The following NAXD variants were observed in gnomAD, a reference collection of about 807,000 sequenced individuals.
The protein encoded by NAXD is NAD(P)HX dehydratase.
Under a neutral mutation model 35.8 loss-of-function variants are expected in NAXD, and 22 were observed. The ratio of observed to expected loss-of-function variants is 0.62; its 90% CI spans 0.44 to 0.88. The LOEUF (loss-of-function observed/expected upper bound fraction) is 0.88. Ranked by LOEUF, NAXD falls within the 40% of genes least tolerant of loss-of-function variation. The pLI is 0.00. For synonymous variants in NAXD, 189 were observed against 177.6 expected, an observed-to-expected ratio of 1.06 and a Z score of -0.51; for missense variants, 428 against 437.7, an observed-to-expected ratio of 0.98 and a Z score of 0.20.
intron 4 of NAXD, among the ~76,000 whole-genome samples, chr13:110,625,550 T>C (rs1307990457): frequency 6.6e-6 from 1 of 152,134 alleles, no homozygotes; most frequent in Non-Finnish European, 1.5e-5. Context: ...GTGGGCTGTG[T>C]GTGACAGGTT....
At position 110,638,881 on chromosome 13, in the gene NAXD, C is replaced by T; in HGVS notation, c.*353C>T. 1 of 400,806 alleles carries T rather than the reference C, an allele frequency of 2.5e-6. No homozygotes were observed. The highest frequency in any genetic ancestry group is 2.0e-5 in the South Asian group (1 of 49,312). 24.8% of individuals were successfully genotyped at this position (400,806 alleles called of 1,614,324 possible). On this transcript the variant is annotated 3_prime_UTR_variant, in exon 10 of 10. Transcript: ENST00000680254. The surrounding 1 kb of genome is among the most constrained non-coding windows in gnomAD (Gnocchi z 5.4). Reference sequence around the variant, plus strand: ...TGCTCCCAGATCGGCGAAGTTTCTACTTGTTACTCTCTCTGCCGGCGCCCT... The same window carrying T: ...TGCTCCCAGATCGGCGAAGTTTCTATTTGTTACTCTCTCTGCCGGCGCCCT...
intron 3 of NAXD, 113 bp from the exon 4 acceptor site, chr13:110,625,077 G>A (rs1055530054): frequency 4.0e-6 from 3 of 750,884 alleles, no homozygotes; most frequent in East Asian, 2.6e-5. Flanking sequence ...GAGCTAGTAC[G>A]TTTCTCATGC....
In NAXD at chr13:110,637,208, G is replaced by C. The variant is rs780904587; in HGVS notation, c.798G>C (p.Leu266=). The C allele has an allele frequency of 1.2e-6, 2 of 1,614,056 alleles. No homozygotes were observed. The highest frequency in any genetic ancestry group is 2.2e-5 in the East Asian group (1 of 44,882). Residue 266 remains leucine, a synonymous_variant, in exon 9 of 10, where the codon CTG becomes CTC. Coordinates refer to ENST00000680254, the MANE Select transcript of NAXD (RefSeq NM_001242882.2). The part of the protein sequence containing the change: ...GDLLSGSLGV[L]VHWALLAGPQ... ...TCCTGTCGGGCTCCCTGGGCGTCCT[G>C]GTACACTGGGCGCTCCTTGCTGGAC...
At chr13:110,624,328 T>A (rs781024516) in intron 3 of NAXD, 49 bp downstream of exon 3, 37 of 1,154,532 alleles carry the variant, frequency 3.2e-5, no homozygotes, top group South Asian at 5.1e-5. Context: ...GTAGAGAGTT[T>A]GATTATTTAA....
rs199875257 is a variant in NAXD, at chr13:110,638,334, C to T, written c.840-44C>T. Reference sequence around the variant, plus strand: ...CAGGGTAGCTGCGGCCCCCGGACCACGACGCCCACTTCCCCACACCTCCTG... The same window carrying T: ...CAGGGTAGCTGCGGCCCCCGGACCATGACGCCCACTTCCCCACACCTCCTG... On this transcript the variant is annotated intron_variant, in intron 9 of 9. Transcript: ENST00000680254. This position sits in a 1 kb window ranked among gnomAD's most constrained non-coding sequence, Gnocchi z 5.4. The T allele has an allele frequency of 3.9e-5, 63 of 1,613,568 alleles. No individual in the cohort carries two copies. The highest frequency in any genetic ancestry group is 3.6e-4 in the African/African-American group (27 of 75,024).
Position 110,615,634 on chromosome 13 carries a change from G to A in NAXD, c.33G>A (p.Arg11=). Residue 11 remains arginine, a synonymous_variant, in exon 1 of 10, where the codon CGG becomes CGA. Transcript: ENST00000680254. ...TGGGTCCTCGCTGTGGGGCAATCCGGGCTTGCAGACGAGGTAAGGTCGATT... is the reference window on the plus strand; with the variant it reads ...TGGGTCCTCGCTGTGGGGCAATCCGAGCTTGCAGACGAGGTAAGGTCGATT... MALGPRCGAI[R]ACRRVLERAF... 1.3e-6 allele frequency: 2 copies of A among 1,489,376 alleles called. No individual in the cohort carries two copies. The highest frequency in any genetic ancestry group is 1.3e-5 in the South Asian group (1 of 79,914). The allele number at this position is 1,489,376 out of a possible 1,614,324, so 92.3% of individuals were successfully genotyped here.
rs540533323 is a variant in NAXD at position 110,637,470 on chromosome 13, G to A, written c.839+221G>A. Among the ~76,000 whole-genome samples the A allele has an allele frequency of 3.2e-4, 48 of 152,284 alleles. No homozygotes were observed. The highest frequency in any genetic ancestry group is 8.3e-4 in the South Asian group (4 of 4,830). On this transcript the variant is annotated intron_variant, in intron 9 of 9. Transcript: ENST00000680254. ...TCACTGTGGATGGGGCCTGGGGCAG[G>A]GGTGGTCTTCAGAGCTCTCCAGAGA... is the stretch of plus-strand genomic sequence containing the variant.
At chr13:110,632,733 T>C (rs1478564392) in intron 5 of NAXD, among the ~76,000 whole-genome samples, 1 of 151,430 alleles carries the variant, frequency 6.6e-6, no homozygotes, top group Admixed American at 6.6e-5. Flanking sequence ...TGCCGATTGG[T>C]GTATTTACAA....
chr13:110,636,339 A>T (rs922510829), intron 8 of NAXD, among the ~76,000 whole-genome samples: 4 of 152,094 alleles, frequency 2.6e-5, no homozygotes, highest in Non-Finnish European at 5.9e-5. Flanking sequence ...ACACTTGTAC[A>T]CTCACATTCA....
At chr13:110,633,545 C>G (rs1230590800) in intron 5 of NAXD, among the ~76,000 whole-genome samples, 1 of 152,252 alleles carries the variant, frequency 6.6e-6, no homozygotes, top group African/African-American at 2.4e-5. Flanking sequence ...AGAGGAGGTG[C>G]TGAGAGCAAG....
At chr13:110,618,529 C>T (rs12583083) in intron 1 of NAXD, among the ~76,000 whole-genome samples, 16,650 of 152,216 alleles carry the variant, frequency 0.11, 1,330 homozygotes, top group Admixed American at 0.25. Flanking sequence ...TAAAGATTGC[C>T]GTGTGAATGC....
Position 110,617,635 on chromosome 13 carries a change from T to C in NAXD, c.46+1988T>C, listed in dbSNP as rs1388315050. On this transcript the variant is annotated intron_variant, in intron 1 of 9. Coordinates refer to ENST00000680254, the MANE Select transcript of NAXD (RefSeq NM_001242882.2). ...TTTACTTTGTGTTAATACAATTCTATTCAAGTGAAAATGCTATACTTCTTA... is the reference window on the plus strand; with the variant it reads ...TTTACTTTGTGTTAATACAATTCTACTCAAGTGAAAATGCTATACTTCTTA... Among the ~76,000 whole-genome samples the C allele has an allele frequency of 3.9e-5, 6 of 152,224 alleles. 1 individual carries two copies. The highest frequency in any genetic ancestry group is 1.5e-5 in the Non-Finnish European group (1 of 68,044).
chr13:110,617,410 T>C (rs1886101327), intron 1 of NAXD, among the ~76,000 whole-genome samples: 1 of 152,222 alleles, frequency 6.6e-6, no homozygotes, highest in Non-Finnish European at 1.5e-5. Context: ...TGTCAAGGCC[T>C]TTTTATCCTT....
In NAXD at chr13:110,637,764, G is replaced by A. The variant is rs1412062086; in HGVS notation, c.839+515G>A. 4 of 462,336 alleles carry A rather than the reference G, an allele frequency of 8.7e-6. No homozygotes were observed. In the East Asian group the frequency reaches 2.1e-4, roughly 24 times the overall value. The allele number at this position is 462,336 out of a possible 1,614,324, so 28.6% of individuals were successfully genotyped here. A position where few individuals can be genotyped will look rare whatever the true frequency, so the allele number is the denominator to read the frequency against. On this transcript the variant is annotated intron_variant, in intron 9 of 9. Coordinates refer to ENST00000680254, the MANE Select transcript of NAXD (RefSeq NM_001242882.2). ...TTCTCTTCTGTGAGCCCATCAAGGT[G>A]GTGGCTGCAGGTGCTAGGTGTGGCA...
chr13:110,624,445 AG>A (rs1317712527), intron 3 of NAXD, among the ~76,000 whole-genome samples, 166 bp downstream of exon 3: 1 of 152,198 alleles, frequency 6.6e-6, no homozygotes, highest in Non-Finnish European at 1.5e-5. Context: ...TGCATAAACA[AG>A]ATCACTTCAG....
intron 5 of NAXD, among the ~76,000 whole-genome samples, chr13:110,632,110 G>T (rs561978365): frequency 1.6e-5 from 2 of 128,008 alleles, no homozygotes; most frequent in African/African-American, 5.8e-5. Context: ...TCTGGAGTCT[G>T]TTCCTTCTGA....
intron 1 of NAXD, among the ~76,000 whole-genome samples, chr13:110,620,578 CAAAAAAAAAA>C: frequency 1.2e-5 from 1 of 84,948 alleles, no homozygotes; most frequent in South Asian, 3.9e-4. Flanking sequence ...GACTCTGTCT[CAAAAAAAAAA>C]AAAAAAAAGA....
At position 110,635,572 on chromosome 13, in the gene NAXD, C is replaced by T. The variant is rs763737832; in HGVS notation, c.702C>T (p.Leu234=). The part of the protein sequence containing the change: ...TVVQKGERDI[L]SNGQQVLVCS... ...TCCAGAAAGGAGAGCGCGACATCCT[C>T]TCCAACGGCCAGCAGGGTGAGTGGC... The change falls in exon 8 of 10, where the codon CTC becomes CTT. Residue 234 remains leucine (L), a synonymous_variant. Coordinates refer to ENST00000680254, the MANE Select transcript of NAXD (RefSeq NM_001242882.2). 7 of 1,613,972 alleles carry T rather than the reference C, an allele frequency of 4.3e-6. No homozygotes were observed. The highest frequency in any genetic ancestry group is 1.1e-5 in the South Asian group (1 of 91,094).
At chr13:110,631,900 T>C (rs969159883) in intron 5 of NAXD, among the ~76,000 whole-genome samples, 2 of 152,210 alleles carry the variant, frequency 1.3e-5, no homozygotes, top group African/African-American at 4.8e-5. Context: ...CAGGCTGAAA[T>C]GAGCACTTTG....
Sources: allele counts gnomAD v4.1 joint callset (sites outside exome capture counted in the v4.1 genomes callset), GRCh38; gene constraint gnomAD v4.1.1; non-coding constraint Gnocchi (gnomAD v3.1); transcripts MANE v1.5; gene names NCBI Gene and HGNC (gene_info 2026-07-23, HGNC 2026-07-21).